The following FRMD5 variants were observed in gnomAD, a reference collection of about 807,000 sequenced individuals.
FRMD5 encodes FERM domain containing 5, also known as FERM domain-containing protein 5.
A neutral mutation model predicts 69.0 loss-of-function variants in FRMD5; 20 were observed. The observed-to-expected ratio is 0.29, with a 90% CI of 0.20 to 0.42. FRMD5 has a LOEUF of 0.42. Among genes scored for constraint, FRMD5 ranks in the 10% least tolerant of loss-of-function variants. The pLI, the probability that FRMD5 is intolerant of heterozygous loss-of-function variation, is 1.00. For missense variants in FRMD5, 595 were observed against 708.6 expected (o/e 0.84, Z 1.82); for synonymous variants, 271 against 260.1 (o/e 1.04, Z -0.40).
rs143063113 is a variant in FRMD5, at chr15:44,162,436, T to C, written c.102+32517A>G. Among the ~76,000 whole-genome samples the C allele has an allele frequency of 4.6e-3, 705 of 152,256 alleles. 11 individuals are homozygous for C. Among genetic ancestry groups the C allele is most frequent in the African/African-American group, 0.016 (673 of 41,530 alleles). On this transcript the variant is annotated intron_variant, in intron 1 of 13. Coordinates refer to ENST00000417257, the MANE Select transcript of FRMD5 (RefSeq NM_032892.5). ...CTTTGTCTTTATATTAATATTTACA[T>C]TACTTTGCCTAACACTGCATTTCCT...
At chr15:44,046,968 T>C (rs1302565716) in intron 1 of FRMD5, among the ~76,000 whole-genome samples, 1 of 152,148 alleles carries the variant, frequency 6.6e-6, no homozygotes, top group Non-Finnish European at 1.5e-5. Flanking sequence ...GTATCATCTT[T>C]ACTGTGAGGA....
chr15:44,132,484 A>G (rs2077115869), intron 1 of FRMD5, among the ~76,000 whole-genome samples: 1 of 152,190 alleles, frequency 6.6e-6, no homozygotes, highest in African/African-American at 2.4e-5. Flanking sequence ...GCTGGGGTGC[A>G]GTGGCATGAT....
At chr15:44,064,538 G>A (rs1369989336) in intron 1 of FRMD5, among the ~76,000 whole-genome samples, 1 of 152,150 alleles carries the variant, frequency 6.6e-6, no homozygotes, top group African/African-American at 2.4e-5. Flanking sequence ...GTGATGAGCC[G>A]AGATCTCGTC....
intron 1 of FRMD5, among the ~76,000 whole-genome samples, chr15:44,102,709 CA>C (rs1183558058): frequency 2.0e-5 from 3 of 152,178 alleles, no homozygotes; most frequent in Non-Finnish European, 4.4e-5. Flanking sequence ...AAAAGCCTCC[CA>C]GTCCACAGCC....
At chr15:44,181,797 T>C (rs896503747) in intron 1 of FRMD5, among the ~76,000 whole-genome samples, 9 of 152,118 alleles carry the variant, frequency 5.9e-5, no homozygotes, top group Non-Finnish European at 1.0e-4. Context: ...TCCCAGATAC[T>C]GGGGAGGCTG....
intron 1 of FRMD5, among the ~76,000 whole-genome samples, chr15:44,016,953 G>A (rs1890990134): frequency 6.6e-6 from 1 of 151,200 alleles, no homozygotes. Flanking sequence ...CTAATTTTTT[G>A]TAGAAACAGG....
chr15:44,143,646 C>T lies in FRMD5; in HGVS notation c.102+51307G>A, dbSNP rs2077306979. On this transcript the variant is annotated intron_variant, in intron 1 of 13. Coordinates refer to ENST00000417257, the MANE Select transcript of FRMD5 (RefSeq NM_032892.5). ...GATGGTAGAAAGTATTATCTTTCGG[C>T]TGGGCGCGATGGCTCACGCCTGTAA... Among the ~76,000 whole-genome samples, 6 of 150,876 alleles carry T rather than the reference C, an allele frequency of 4.0e-5. No individual in the cohort carries two copies. In the Admixed American group the frequency reaches 4.0e-4, roughly 10 times the overall value.
At chr15:43,877,921 C>T (rs771484672) in intron 13 of FRMD5, among the ~76,000 whole-genome samples, 14 of 152,194 alleles carry the variant, frequency 9.2e-5, no homozygotes, top group Non-Finnish European at 1.8e-4. Flanking sequence ...TCAACAGGTT[C>T]CTGGAAACCA....
chr15:44,167,607 T>TA lies in FRMD5; in HGVS notation c.102+27345dup, dbSNP rs1362664072. On this transcript the variant is annotated intron_variant, in intron 1 of 13. Transcript: ENST00000417257. ...TCATTATCACAATTTTTTTTTTTTTTAAGACAGAGTCTTGCTCTGTTGCCC... is the reference window on the plus strand; with the variant it reads ...TCATTATCACAATTTTTTTTTTTTTTAAAGACAGAGTCTTGCTCTGTTGCCC... Among the ~76,000 whole-genome samples, 967 of 151,186 alleles carry TA rather than the reference T, an allele frequency of 6.4e-3. 10 individuals carry two copies. The highest frequency in any genetic ancestry group is 0.022 in the African/African-American group (904 of 40,756).
rs202054392 is a variant in FRMD5, at chr15:43,944,958, T to TA, written c.103-20650_103-20649insT. On this transcript the variant is annotated intron_variant, in intron 1 of 13. Transcript: ENST00000417257. ...GTTTCTATAAGTTTATTTATTTATT[T>TA]TTTTTTTTTTTGATAGAGGGGGGGT... Among the ~76,000 whole-genome samples, 8 of 151,194 alleles carry TA rather than the reference T, an allele frequency of 5.3e-5. No individual in the cohort carries two copies. In the East Asian group the frequency reaches 5.9e-4, roughly 11 times the overall value.
chr15:44,069,063 A>G (rs1335291966), intron 1 of FRMD5, among the ~76,000 whole-genome samples: 1 of 152,240 alleles, frequency 6.6e-6, no homozygotes, highest in Non-Finnish European at 1.5e-5. Context: ...CTGATGGCAA[A>G]TAAGTACATG....
intron 5 of FRMD5, among the ~76,000 whole-genome samples, chr15:43,906,503 G>A (rs1460772001): frequency 6.6e-6 from 1 of 152,162 alleles, no homozygotes; most frequent in Non-Finnish European, 1.5e-5. Flanking sequence ...TATTCATTAA[G>A]GGCTGACCAG....
chr15:44,049,589 AAGAT>A (rs907710053), intron 1 of FRMD5, among the ~76,000 whole-genome samples: 7 of 152,240 alleles, frequency 4.6e-5, no homozygotes, highest in Non-Finnish European at 8.8e-5. Flanking sequence ...ATAAGAAAAA[AAGAT>A]AGAATAGATA....
intron 1 of FRMD5, among the ~76,000 whole-genome samples, chr15:44,097,911 T>C (rs1275691424): frequency 6.6e-6 from 1 of 152,162 alleles, no homozygotes; most frequent in East Asian, 1.9e-4. Context: ...CAGCAAGTCT[T>C]TGTGCTCCAG....
At chr15:44,128,602 T>G (rs889770241) in intron 1 of FRMD5, among the ~76,000 whole-genome samples, 9 of 152,194 alleles carry the variant, frequency 5.9e-5, no homozygotes, top group African/African-American at 2.2e-4. Flanking sequence ...ATATTGGCAT[T>G]CATCATTGAG....
chr15:44,085,805 T>C lies in FRMD5; in HGVS notation c.102+109148A>G, dbSNP rs908895294. Among the ~76,000 whole-genome samples, 9 of 152,308 alleles carry C rather than the reference T, an allele frequency of 5.9e-5. 1 individual carries two copies. The highest frequency in any genetic ancestry group is 4.1e-4 in the South Asian group (2 of 4,832). On this transcript the variant is annotated intron_variant, in intron 1 of 13. Coordinates refer to ENST00000417257, the MANE Select transcript of FRMD5 (RefSeq NM_032892.5). Reference sequence around the variant, plus strand: ...CACAAACATTTATTGAGCCCTATTATGCAATCAGAAGGCTAAGAGCTTTAT... The same window carrying C: ...CACAAACATTTATTGAGCCCTATTACGCAATCAGAAGGCTAAGAGCTTTAT...
At chr15:43,991,906 G>C (rs754027102) in intron 1 of FRMD5, among the ~76,000 whole-genome samples, 31 of 152,104 alleles carry the variant, frequency 2.0e-4, no homozygotes, top group Non-Finnish European at 3.7e-4. Flanking sequence ...TTACTAATTA[G>C]TAGGTTTCCA....
chr15:44,056,595 TAA>T lies in FRMD5; in HGVS notation c.103-132288_103-132287del, dbSNP rs1280700227. ...GTTTTAGTTACATGTTTCAATAGTCTAAAGAGTGTCAGCCATAGCAGTGTGAA... is the reference window on the plus strand; with the variant it reads ...GTTTTAGTTACATGTTTCAATAGTCTAGAGTGTCAGCCATAGCAGTGTGAA... On this transcript the variant is annotated intron_variant, in intron 1 of 13. Coordinates refer to ENST00000417257, the MANE Select transcript of FRMD5 (RefSeq NM_032892.5). Among the ~76,000 whole-genome samples the T allele has an allele frequency of 2.6e-5, 4 of 152,172 alleles. No homozygotes were observed. The East Asian group carries it at 7.7e-4, about 29-fold the overall frequency.
intron 1 of FRMD5, among the ~76,000 whole-genome samples, chr15:43,925,328 GT>G (rs1410393237): frequency 6.6e-6 from 1 of 152,120 alleles, no homozygotes; most frequent in Non-Finnish European, 1.5e-5. Context: ...TTTATGTGAT[GT>G]TTTATACACA....
Sources: allele counts gnomAD v4.1 joint callset (sites outside exome capture counted in the v4.1 genomes callset), GRCh38; gene constraint gnomAD v4.1.1; transcripts MANE v1.5; gene names NCBI Gene and HGNC (gene_info 2026-07-23, HGNC 2026-07-21).